Variants in CACNA2D3 observed in about 807,000 individuals in gnomAD.
CACNA2D3 encodes the protein calcium voltage-gated channel auxiliary subunit alpha2delta 3, also known as voltage-dependent calcium channel subunit alpha-2/delta-3.
CACNA2D3 carries 60 observed loss-of-function variants against 160.6 expected under a neutral mutation model. That is an observed-to-expected ratio of 0.37 (90% CI 0.30 to 0.46). CACNA2D3 has a LOEUF of 0.46. CACNA2D3 is among the 20% of genes least tolerant of loss of function. The pLI is 1.00. For missense variants in CACNA2D3, 1,205 were observed against 1,365.0 expected, an observed-to-expected ratio of 0.88 and a Z score of 1.85; for synonymous variants, 558 against 492.9, an observed-to-expected ratio of 1.13 and a Z score of -1.75.
intron 12 of CACNA2D3, among the ~76,000 whole-genome samples, chr3:54,758,390 C>T (rs1575460602): frequency 2.0e-5 from 3 of 152,140 alleles, no homozygotes; most frequent in East Asian, 1.9e-4. Context: ...CTCAGGAGTG[C>T]GGTTCTCCCA....
intron 3 of CACNA2D3, among the ~76,000 whole-genome samples, chr3:54,355,573 G>T (rs1698634869): frequency 6.6e-6 from 1 of 152,076 alleles, no homozygotes; most frequent in African/African-American, 2.4e-5. Flanking sequence ...GGCCATGGGG[G>T]AAGGAGAGAA....
chr3:54,932,059 A>G (rs545927494), intron 27 of CACNA2D3, among the ~76,000 whole-genome samples: 8 of 152,072 alleles, frequency 5.3e-5, no homozygotes, highest in Non-Finnish European at 4.4e-5. Context: ...GTGAGCGCCT[A>G]TAGTCTGAGC....
intron 29 of CACNA2D3, among the ~76,000 whole-genome samples, chr3:54,975,530 A>C (rs1702369161): frequency 6.9e-6 from 1 of 145,030 alleles, no homozygotes; most frequent in South Asian, 2.1e-4. Flanking sequence ...CCAAAAAAAA[A>C]AAAAAAAAAA....
At chr3:54,802,511 A>G (rs1233912106) in intron 13 of CACNA2D3, among the ~76,000 whole-genome samples, 2 of 152,224 alleles carry the variant, frequency 1.3e-5, no homozygotes, top group East Asian at 3.8e-4. Flanking sequence ...AGTTACAGAA[A>G]TATTTTGTTG....
At chr3:54,194,311 A>G (rs1040889959) in intron 2 of CACNA2D3, among the ~76,000 whole-genome samples, 1 of 152,228 alleles carries the variant, frequency 6.6e-6, no homozygotes, top group Non-Finnish European at 1.5e-5. Context: ...CATTCTATGC[A>G]TGGAACAAAA....
intron 4 of CACNA2D3, among the ~76,000 whole-genome samples, chr3:54,474,429 A>G (rs1206765841): frequency 6.6e-6 from 1 of 152,178 alleles, no homozygotes; most frequent in African/African-American, 2.4e-5. Context: ...GGATTTCATT[A>G]GGAGAAATAC....
chr3:54,997,680 C>T (rs182025242), intron 31 of CACNA2D3, among the ~76,000 whole-genome samples: 63 of 152,126 alleles, frequency 4.1e-4, no homozygotes, highest in Non-Finnish European at 6.0e-4. Flanking sequence ...GAGCTATGTG[C>T]CACTGCACTG....
intron 2 of CACNA2D3, among the ~76,000 whole-genome samples, chr3:54,159,792 G>A (rs1409952046): frequency 6.6e-6 from 1 of 152,046 alleles, no homozygotes; most frequent in Admixed American, 6.5e-5. Flanking sequence ...CCCTGGAGAG[G>A]ATTCAAGCTT....
At chr3:54,406,359 A>G (rs9849217) in intron 4 of CACNA2D3, among the ~76,000 whole-genome samples, 33,414 of 151,912 alleles carry the variant, frequency 0.22, 3,748 homozygotes, top group Admixed American at 0.29. Flanking sequence ...TATAGTGTGT[A>G]TGTGTGTATA....
intron 3 of CACNA2D3, among the ~76,000 whole-genome samples, chr3:54,345,833 CTT>C (rs58643454): frequency 1.8e-4 from 25 of 141,456 alleles, no homozygotes; most frequent in African/African-American, 5.0e-4. Context: ...TCTTGATGCT[CTT>C]TTTTTTTTTT....
At chr3:54,218,597 A>G (rs1436295943) in intron 2 of CACNA2D3, among the ~76,000 whole-genome samples, 1 of 152,202 alleles carries the variant, frequency 6.6e-6, no homozygotes, top group Non-Finnish European at 1.5e-5. Flanking sequence ...ACAGGATTTT[A>G]GTCAGTGTGT....
At chr3:55,036,940 C>A (rs1703830651) in intron 35 of CACNA2D3, among the ~76,000 whole-genome samples, 1 of 152,118 alleles carries the variant, frequency 6.6e-6, no homozygotes, top group Non-Finnish European at 1.5e-5. Context: ...GATTCTGGGT[C>A]TCAGCCCAGA....
In CACNA2D3 at chr3:54,479,764, G is replaced by A. The variant is rs138669996; in HGVS notation, c.382-23728G>A. ...AGTTATTTAAGCACTTATCAAATATGTGGCCAAACACTTGAAAGCAAATGA... is the reference window on the plus strand; with the variant it reads ...AGTTATTTAAGCACTTATCAAATATATGGCCAAACACTTGAAAGCAAATGA... On this transcript the variant is annotated intron_variant, in intron 4 of 37. Coordinates refer to ENST00000474759, the MANE Select transcript of CACNA2D3 (RefSeq NM_018398.3). Among the ~76,000 whole-genome samples, 255 of 152,270 alleles carry A rather than the reference G, an allele frequency of 1.7e-3. 3 individuals are homozygous for A. The highest frequency in any genetic ancestry group is 5.8e-3 in the African/African-American group (242 of 41,560).
chr3:54,731,243 A>C (rs564295436), intron 11 of CACNA2D3, among the ~76,000 whole-genome samples: 2 of 152,366 alleles, frequency 1.3e-5, no homozygotes, highest in Non-Finnish European at 2.9e-5. Flanking sequence ...TAATTAGGAA[A>C]GATATTATGC....
chr3:54,265,962 A>C (rs985251607), intron 2 of CACNA2D3, among the ~76,000 whole-genome samples: 2 of 152,160 alleles, frequency 1.3e-5, no homozygotes, highest in Non-Finnish European at 2.9e-5. Flanking sequence ...AAAGTGCTCA[A>C]AAGCCTTCTT....
intron 2 of CACNA2D3, among the ~76,000 whole-genome samples, chr3:54,303,826 T>G (rs575804118): frequency 0.097 from 13,901 of 143,882 alleles, 989 homozygotes; most frequent in East Asian, 0.21. Flanking sequence ...CTGTTTTTTT[T>G]TTTTTTTTTT....
At chr3:54,169,182 A>G (rs1038518438) in intron 2 of CACNA2D3, among the ~76,000 whole-genome samples, 1 of 152,214 alleles carries the variant, frequency 6.6e-6, no homozygotes, top group Non-Finnish European at 1.5e-5. Flanking sequence ...AAAACAAACA[A>G]GCAGCTTTTC....
intron 2 of CACNA2D3, among the ~76,000 whole-genome samples, chr3:54,162,042 T>G (rs566739496): frequency 4.8e-4 from 73 of 152,252 alleles, no homozygotes; most frequent in Admixed American, 7.2e-4. Context: ...AGAACTTGTT[T>G]GAGACAAGGC....
At chr3:55,073,751 G>GGAAACATGCCTTAACTACAGTCAACA in intron 36 of CACNA2D3, 26 bp from the exon 37 acceptor site, 1 of 1,593,244 alleles carries the variant, frequency 6.3e-7, no homozygotes, top group Non-Finnish European at 8.6e-7. Flanking sequence ...AGCAATCCTT[G>GGAAACATGCCTTAACTACAGTCAACA]GAAACATGCC....
Sources: allele counts gnomAD v4.1 joint callset (sites outside exome capture counted in the v4.1 genomes callset), GRCh38; gene constraint gnomAD v4.1.1; transcripts MANE v1.5; gene names NCBI Gene and HGNC (gene_info 2026-07-23, HGNC 2026-07-21).